Variants in RANGAP1 observed in about 807,000 individuals in gnomAD.
The protein encoded by RANGAP1 is Ran GTPase activating protein 1.
In RANGAP1, 38 loss-of-function variants were observed where a neutral mutation model predicts 63.5. The observed-to-expected ratio is 0.60, with a 90% CI of 0.46 to 0.78. The LOEUF (loss-of-function observed/expected upper bound fraction) is 0.78, where lower values mean the gene tolerates loss of function less well. Ranked by LOEUF, RANGAP1 falls within the 30% of genes least tolerant of loss-of-function variation. RANGAP1 has a pLI of 0.00. For synonymous variants in RANGAP1, 329 were observed against 310.5 expected, an observed-to-expected ratio of 1.06 and a Z score of -0.63; for missense variants, 630 against 740.3, an observed-to-expected ratio of 0.85 and a Z score of 1.73.
At chr22:41,272,792 G>A (rs2034915480) in intron 3 of RANGAP1, among the ~76,000 whole-genome samples, 1 of 151,884 alleles carries the variant, frequency 6.6e-6, no homozygotes, top group Non-Finnish European at 1.5e-5. Context: ...AGGATTACAG[G>A]CGTGACCCAC....
At chr22:41,267,416 C>G (rs1266605567) in intron 4 of RANGAP1, among the ~76,000 whole-genome samples, 1 of 152,142 alleles carries the variant, frequency 6.6e-6, no homozygotes, top group Non-Finnish European at 1.5e-5. Flanking sequence ...CATCACTGAC[C>G]AGAAACCTGC....
At chr22:41,250,688 C>T (rs2033382875) in intron 13 of RANGAP1, among the ~76,000 whole-genome samples, 1 of 152,138 alleles carries the variant, frequency 6.6e-6, no homozygotes, top group African/African-American at 2.4e-5. Context: ...TGGCTCTCAC[C>T]ATCCCTCCTC....
intron 4 of RANGAP1, among the ~76,000 whole-genome samples, chr22:41,265,998 C>A (rs369632703): frequency 2.0e-5 from 3 of 151,948 alleles, no homozygotes; most frequent in Non-Finnish European, 4.4e-5. Context: ...GTCGGGAGAT[C>A]GAGACCATCC....
intron 1 of RANGAP1, chr22:41,281,523 T>G (rs1222595705): frequency 2.0e-6 from 2 of 990,532 alleles, no homozygotes; most frequent in African/African-American, 1.7e-5. Flanking sequence ...CAGATGGCTA[T>G]GGGATCCAGA....
At position 41,257,326 on chromosome 22, in the gene RANGAP1, A is replaced by G. The variant is rs901148610; in HGVS notation, c.775-502T>C. On this transcript the variant is annotated intron_variant, in intron 7 of 15. Coordinates refer to ENST00000356244, the MANE Select transcript of RANGAP1 (RefSeq NM_002883.4). The surrounding 1 kb of genome is among the most constrained non-coding windows in gnomAD (Gnocchi z 4.0). ...GCAGCCAAGAAGCCACTGCGTTCAG[A>G]GCCCAGCACTGTTACCACTGGCAGC... Among the ~76,000 whole-genome samples the G allele has an allele frequency of 2.6e-5, 4 of 152,172 alleles. No homozygotes were observed. Among genetic ancestry groups the G allele is most frequent in the African/African-American group, 9.7e-5 (4 of 41,438 alleles).
At chr22:41,265,969 A>G (rs1310411046) in intron 4 of RANGAP1, among the ~76,000 whole-genome samples, 5 of 152,032 alleles carry the variant, frequency 3.3e-5, no homozygotes, top group African/African-American at 1.2e-4. Context: ...TTGGGAGGCC[A>G]AGGTGGGCGG....
At chr22:41,275,781 G>GAA (rs71200679) in intron 2 of RANGAP1, among the ~76,000 whole-genome samples, 80 of 139,944 alleles carry the variant, frequency 5.7e-4, no homozygotes, top group Middle Eastern at 3.6e-3. Flanking sequence ...TCTGTCTCAA[G>GAA]AAAAAAAAAA....
intron 1 of RANGAP1, chr22:41,281,357 A>G: frequency 2.1e-6 from 2 of 937,116 alleles, no homozygotes; most frequent in Non-Finnish European, 2.6e-6. Context: ...GCAGCTGGAC[A>G]CCCAGCAACA....
intron 10 of RANGAP1, 163 bp from the exon 11 acceptor site, chr22:41,254,657 G>A: frequency 1.0e-6 from 1 of 984,594 alleles, no homozygotes; most frequent in Non-Finnish European, 1.2e-6. Flanking sequence ...GATCACCAGG[G>A]AAATCCATGC....
chr22:41,252,649 G>A lies in RANGAP1; in HGVS notation c.1380+223C>T, dbSNP rs116768396. Among the ~76,000 whole-genome samples, 522 of 152,276 alleles carry A rather than the reference G, an allele frequency of 3.4e-3. 4 individuals are homozygous for A. The highest frequency in any genetic ancestry group is 0.012 in the African/African-American group (496 of 41,550). On this transcript the variant is annotated intron_variant, in intron 12 of 15. Transcript: ENST00000356244. ...AACCCCAGTCAGCATGGGAACTGGC[G>A]GGCTGTACTTTCTGTAGGCTGAGTG...
chr22:41,297,715 G>C, the RANGAP1 span, among the ~76,000 whole-genome samples: 16 of 129,352 alleles, frequency 1.2e-4, no homozygotes, highest in East Asian at 3.3e-3. Context: ...TTTTGAGACC[G>C]AGTCTTGCTC....
At chr22:41,286,731 A>G (rs779598737), upstream of RANGAP1, among the ~76,000 whole-genome samples, 3 of 152,260 alleles carry the variant, frequency 2.0e-5, no homozygotes, top group Non-Finnish European at 4.4e-5. Flanking sequence ...GAAGCTCCGC[A>G]GACACCACTT....
intron 2 of RANGAP1, 128 bp from the exon 3 acceptor site, chr22:41,274,855 T>C: frequency 8.3e-7 from 1 of 1,209,168 alleles, no homozygotes; most frequent in Non-Finnish European, 1.2e-6. Context: ...AGCCTTGGCT[T>C]ACAGAGAATC....
the RANGAP1 span, among the ~76,000 whole-genome samples, chr22:41,294,201 GCCGCCA>G: frequency 2.0e-5 from 3 of 152,212 alleles, no homozygotes; most frequent in Non-Finnish European, 4.4e-5. Context: ...GAAGGCGTGC[GCCGCCA>G]CGCCTGACTG....
chr22:41,249,263 C>A (rs1029438425), intron 15 of RANGAP1, 67 bp downstream of exon 15: 3 of 1,509,536 alleles, frequency 2.0e-6, no homozygotes, highest in African/African-American at 1.4e-5. Context: ...CGGAACCGGG[C>A]GCCTTCAGAC....
intron 4 of RANGAP1, among the ~76,000 whole-genome samples, chr22:41,267,536 T>C (rs2034553813): frequency 6.6e-6 from 1 of 152,160 alleles, no homozygotes; most frequent in African/African-American, 2.4e-5. Flanking sequence ...CTGTGTTCTG[T>C]GTTGCCTCTT....
At chr22:41,262,746 G>A (rs950920205) in intron 5 of RANGAP1, among the ~76,000 whole-genome samples, 2 of 152,180 alleles carry the variant, frequency 1.3e-5, no homozygotes, top group South Asian at 4.1e-4. Flanking sequence ...AGCAGCAGCC[G>A]ACTGCTAGGT....
rs2033905629 is a variant in RANGAP1 at position 41,257,405 on chromosome 22, C to T, written c.774+543G>A. Among the ~76,000 whole-genome samples, 1 of 152,128 alleles carries T rather than the reference C, an allele frequency of 6.6e-6. No individual in the cohort carries two copies. The highest frequency in any genetic ancestry group is 2.4e-5 in the African/African-American group (1 of 41,418). ...CTGAAGGCGGGGTCTTTGGCTCAAC[C>T]CCATGTGGCCTGCACTTGGTACAAA... On this transcript the variant is annotated intron_variant, in intron 7 of 15. Transcript: ENST00000356244. This position sits in a 1 kb window ranked among gnomAD's most constrained non-coding sequence, Gnocchi z 4.0.
At chr22:41,290,905 A>C (rs2035830967), upstream of RANGAP1, among the ~76,000 whole-genome samples, 1 of 152,180 alleles carries the variant, frequency 6.6e-6, no homozygotes, top group Non-Finnish European at 1.5e-5. Flanking sequence ...CCAACACCCA[A>C]CTGGGTGCTC....
Sources: gnomAD v4.1 joint callset for allele counts (sites outside exome capture counted in the v4.1 genomes callset) on GRCh38, gnomAD v4.1.1 for gene constraint, Gnocchi (gnomAD v3.1) non-coding constraint, MANE v1.5 for transcripts, NCBI Gene and HGNC (gene_info 2026-07-23, HGNC 2026-07-21) for gene names.